Variants in DIAPH1 observed in about 807,000 individuals in gnomAD.
DIAPH1 encodes protein diaphanous homolog 1.
DIAPH1 carries 46 observed loss-of-function variants against 140.7 expected under a neutral mutation model. The ratio of observed to expected loss-of-function variants is 0.33; its 90% CI spans 0.26 to 0.42. DIAPH1 has a LOEUF of 0.42. DIAPH1 is among the 10% of genes least tolerant of loss of function. The pLI is 1.00. For missense variants in DIAPH1, 1,310 were observed against 1,558.7 expected (o/e 0.84, Z 2.69); for synonymous variants, 565 against 551.6 (o/e 1.02, Z -0.34).
At chr5:141,560,819 G>T (rs1294014790) in intron 18 of DIAPH1, 8 of 456,016 alleles carry the variant, frequency 1.8e-5, no homozygotes, top group Non-Finnish European at 3.1e-5. Flanking sequence ...AGAACAGATG[G>T]AATAAACTCC....
intron 18 of DIAPH1, chr5:141,560,536 A>C (rs2099893359): frequency 1.2e-5 from 2 of 162,508 alleles, no homozygotes; most frequent in South Asian, 1.5e-4. Context: ...ATGTTTTGAT[A>C]ATTGGAAATA....
chr5:141,535,813 G>A (rs948405305), intron 18 of DIAPH1, among the ~76,000 whole-genome samples: 1 of 152,206 alleles, frequency 6.6e-6, no homozygotes, highest in African/African-American at 2.4e-5. Flanking sequence ...AAGGAGAGTC[G>A]AGAAGCTGAC....
At chr5:141,531,754 C>G (rs529877066) in intron 19 of DIAPH1, among the ~76,000 whole-genome samples, 2 of 152,272 alleles carry the variant, frequency 1.3e-5, no homozygotes, top group East Asian at 3.9e-4. Flanking sequence ...TCCCAAAGTG[C>G]TGGGATTACA....
At chr5:141,587,775 T>A (rs1462796292) in intron 2 of DIAPH1, among the ~76,000 whole-genome samples, 7 of 152,214 alleles carry the variant, frequency 4.6e-5, no homozygotes, top group Non-Finnish European at 1.0e-4. Flanking sequence ...TTGCATGACA[T>A]CTCGTCAGCA....
At chr5:141,548,781 T>C (rs1356066838) in intron 18 of DIAPH1, among the ~76,000 whole-genome samples, 2 of 152,094 alleles carry the variant, frequency 1.3e-5, no homozygotes, top group African/African-American at 2.4e-5. Flanking sequence ...TACTCCAGCC[T>C]GGGTGACAAA....
chr5:141,589,602 G>T (rs1018406340), intron 1 of DIAPH1, among the ~76,000 whole-genome samples: 2 of 118,394 alleles, frequency 1.7e-5, no homozygotes, highest in African/African-American at 6.4e-5. Flanking sequence ...ATTATATAAA[G>T]GAAATAATCA....
rs1364608391 is a variant in DIAPH1 at position 141,564,455 on chromosome 5, G to A, written c.2482+6973C>T. 17 of 152,198 alleles carry A rather than the reference G, an allele frequency of 1.1e-4. No individual in the cohort carries two copies. The East Asian group carries it at 3.1e-3, about 28-fold the overall frequency. The allele number at this position is 152,198 out of a possible 1,614,324, so 9.4% of individuals were successfully genotyped here. ...TAGAAATAAAATATCAAATTCCCAC[G>A]GTTGAGAAGAAAATTAAAACTTAAT... On this transcript the variant is annotated intron_variant, in intron 18 of 27. Transcript: ENST00000389054.
In DIAPH1 at chr5:141,583,244, A is replaced by G. The variant is rs1156521592; in HGVS notation, c.582T>C (p.Ile194=). Residue 194 remains isoleucine, a synonymous_variant, in exon 6 of 28, where the codon ATT becomes ATC. Coordinates refer to ENST00000389054, the MANE Select transcript of DIAPH1 (RefSeq NM_005219.5). The part of the protein sequence containing the change: ...GAEGLASLLD[I]LKRLHDEKEE... ...CTTTCTCATCATGAAGTCGTTTAAGAATGTCCAATAAGGAGGCCAAGCCTT... is the reference window on the plus strand; with the variant it reads ...CTTTCTCATCATGAAGTCGTTTAAGGATGTCCAATAAGGAGGCCAAGCCTT... 3.7e-6 allele frequency: 6 copies of G among 1,614,130 alleles called. No individual in the cohort carries two copies. In the Admixed American group the frequency reaches 1.0e-4, roughly 27 times the overall value.
chr5:141,586,493 C>T (rs1402851239), intron 3 of DIAPH1, among the ~76,000 whole-genome samples: 1 of 152,198 alleles, frequency 6.6e-6, no homozygotes, highest in Non-Finnish European at 1.5e-5. Context: ...GAATATCCTC[C>T]TTATTCGGTG....
chr5:141,537,203 GCCAGACGCGGTGGCTCATGCTTGTAAT>G (rs1323091540), intron 18 of DIAPH1, among the ~76,000 whole-genome samples: 1 of 152,040 alleles, frequency 6.6e-6, no homozygotes, highest in Non-Finnish European at 1.5e-5. Flanking sequence ...ATGAAAATTG[GCCAGACGCGGTGGCTCATGCTTGTAAT>G]CCCAGCACTT....
At chr5:141,526,522 C>G in intron 24 of DIAPH1, 61 bp from the exon 25 acceptor site, 1 of 1,599,432 alleles carries the variant, frequency 6.3e-7, no homozygotes, top group Non-Finnish European at 8.6e-7. Context: ...TTCTCTAGCC[C>G]AAGGAATTAC....
At chr5:141,607,315 T>A (rs72792328) in intron 1 of DIAPH1, among the ~76,000 whole-genome samples, 3,575 of 152,296 alleles carry the variant, frequency 0.023, 58 homozygotes, top group East Asian at 0.046. Flanking sequence ...TTCTTATACA[T>A]CCTTGAGATC....
intron 18 of DIAPH1, among the ~76,000 whole-genome samples, chr5:141,535,567 A>C (rs2099888882): frequency 6.6e-6 from 1 of 152,210 alleles, no homozygotes; most frequent in Non-Finnish European, 1.5e-5. Context: ...CATCCCACCT[A>C]GATTTTGAAC....
Position 141,578,332 on chromosome 5 carries a change from CT to C in DIAPH1, c.1055del (p.Glu352GlyfsTer7), listed in dbSNP as rs765204857. On this transcript the variant is annotated frameshift_variant, in exon 11 of 28. Coordinates refer to ENST00000389054, the MANE Select transcript of DIAPH1 (RefSeq NM_005219.5). LOFTEE classifies it high-confidence loss of function. ...GLHQVLQDLR[E>X]IENEDMRVQL... Reference sequence around the variant, plus strand: ...GCACTCTCATATCTTCATTTTCAATCTCTCGAAGGTCCTGTCAACAACAAAA... The same window carrying C: ...GCACTCTCATATCTTCATTTTCAATCCTCGAAGGTCCTGTCAACAACAAAA... 2 of 1,613,514 alleles carry C rather than the reference CT, an allele frequency of 1.2e-6. No individual in the cohort carries two copies. Among genetic ancestry groups the C allele is most frequent in the East Asian group, 2.2e-5 (1 of 44,882 alleles).
chr5:141,528,461 G>A lies in DIAPH1; in HGVS notation c.3140C>T (p.Ala1047Val), dbSNP rs781462838. 18 of 1,614,066 alleles carry A rather than the reference G, an allele frequency of 1.1e-5. No individual in the cohort carries two copies. Among genetic ancestry groups the A allele is most frequent in the Non-Finnish European group, 1.5e-5 (18 of 1,180,044 alleles). ...FPDELAHVEK[A>V]SRVSAENLQK... ...ATTCCAAACTGCCCCACCTCGGCTGGCTTTCTCCACATGGGCAAGCTCGTC... is the reference window on the plus strand; with the variant it reads ...ATTCCAAACTGCCCCACCTCGGCTGACTTTCTCCACATGGGCAAGCTCGTC... The change falls in exon 23 of 28, where the codon GCC becomes GTC. Residue 1047 changes from alanine (A) to valine (V), a missense_variant. Coordinates refer to ENST00000389054, the MANE Select transcript of DIAPH1 (RefSeq NM_005219.5).
intron 26 of DIAPH1, 27 bp downstream of exon 26, chr5:141,526,011 G>A (rs766381858): frequency 6.2e-7 from 1 of 1,613,238 alleles, no homozygotes; most frequent in South Asian, 1.1e-5. Flanking sequence ...TCCTATCTCA[G>A]CCCATCAACC....
chr5:141,549,360 A>G (rs2099891343), intron 18 of DIAPH1, among the ~76,000 whole-genome samples: 1 of 152,184 alleles, frequency 6.6e-6, no homozygotes, highest in African/African-American at 2.4e-5. Context: ...TTCTAAATCT[A>G]AAAATATCCA....
At position 141,576,883 on chromosome 5, in the gene DIAPH1, T is replaced by C; in HGVS notation, c.1281-12A>G. 1 of 1,444,244 alleles carries C rather than the reference T, an allele frequency of 6.9e-7. No homozygotes were observed. The highest frequency in any genetic ancestry group is 2.3e-5 in the East Asian group (1 of 44,060). 89.5% of individuals were successfully genotyped at this position (1,444,244 alleles called of 1,614,324 possible). A position where few individuals can be genotyped will look rare whatever the true frequency, so the allele number is the denominator to read the frequency against. ...TATAGTACTGAGGTCTACAAGAGAA[T>C]AAAAACAGGGTCATCAAAGGAAAAT... On this transcript the variant is annotated splice_polypyrimidine_tract_variant and intron_variant, in intron 12 of 27. Transcript: ENST00000389054.
At chr5:141,556,683 TTTTATTTA>T (rs567384221) in intron 18 of DIAPH1, among the ~76,000 whole-genome samples, 6 of 152,026 alleles carry the variant, frequency 3.9e-5, no homozygotes, top group African/African-American at 1.2e-4. Context: ...GAGATCTTCT[TTTTATTTA>T]TTTATTTATT....
Sources: allele counts gnomAD v4.1 joint callset (sites outside exome capture counted in the v4.1 genomes callset), GRCh38; gene constraint gnomAD v4.1.1; transcripts MANE v1.5; gene names NCBI Gene and HGNC (gene_info 2026-07-23, HGNC 2026-07-21).